Variants in TAF15 observed in about 807,000 individuals in gnomAD.
The protein encoded by TAF15 is TATA-box binding protein associated factor 15.
TAF15 carries 37 observed loss-of-function variants against 102.5 expected under a neutral mutation model. The ratio of observed to expected loss-of-function variants is 0.36; its 90% CI spans 0.28 to 0.47. The LOEUF is 0.47. Among genes scored for constraint, TAF15 ranks in the 20% least tolerant of loss-of-function variants. The probability of loss-of-function intolerance (pLI) is 0.99; values close to 1 mark genes in which losing one functional copy is unlikely to be tolerated. For missense variants in TAF15, 652 were observed against 760.7 expected, an observed-to-expected ratio of 0.86 and a Z score of 1.68; for synonymous variants, 273 against 259.2, an observed-to-expected ratio of 1.05 and a Z score of -0.51.
chr17:35,814,169 T>G (rs978101268), intron 1 of TAF15, among the ~76,000 whole-genome samples: 8 of 151,142 alleles, frequency 5.3e-5, no homozygotes, highest in Non-Finnish European at 1.2e-4. Flanking sequence ...AACCAAAAGG[T>G]GATTTTTTTT....
intron 12 of TAF15, among the ~76,000 whole-genome samples, chr17:35,843,215 C>T (rs1236326744): frequency 6.6e-6 from 1 of 151,996 alleles, no homozygotes; most frequent in Non-Finnish European, 1.5e-5. Context: ...CCTCTCCCTC[C>T]CGGGTTCAAG....
chr17:35,837,361 C>T (rs1238608943), intron 10 of TAF15, among the ~76,000 whole-genome samples: 2 of 150,516 alleles, frequency 1.3e-5, no homozygotes, highest in Non-Finnish European at 3.0e-5. Flanking sequence ...CCTATTATTG[C>T]CCAGGCTGGT....
At chr17:35,824,025 G>C in intron 6 of TAF15, 53 bp from the exon 7 acceptor site, 1 of 1,613,214 alleles carries the variant, frequency 6.2e-7, no homozygotes, top group African/African-American at 1.3e-5. Flanking sequence ...ATTGTTATTT[G>C]AAGCTTTAGA....
At chr17:35,817,526 A>G (rs2087209387) in intron 1 of TAF15, among the ~76,000 whole-genome samples, 190 bp from the exon 2 acceptor site, 1 of 152,166 alleles carries the variant, frequency 6.6e-6, no homozygotes, top group Non-Finnish European at 1.5e-5. Flanking sequence ...TAGTTTGCAA[A>G]TACGTAGTTA....
chr17:35,823,210 G>GTT (rs2087284355), intron 6 of TAF15, among the ~76,000 whole-genome samples: 1 of 152,196 alleles, frequency 6.6e-6, no homozygotes, highest in South Asian at 2.1e-4. Flanking sequence ...TTGAATAATT[G>GTT]TAAGTGTAAG....
At chr17:35,836,283 T>G (rs2087473868) in intron 10 of TAF15, 42 bp downstream of exon 10, 1 of 1,366,768 alleles carries the variant, frequency 7.3e-7, no homozygotes, top group Non-Finnish European at 1.0e-6. Flanking sequence ...ATAATTAATG[T>G]TCTGATTACA....
intron 9 of TAF15, 119 bp downstream of exon 9, chr17:35,834,717 GC>G: frequency 1.3e-6 from 1 of 756,744 alleles, no homozygotes; most frequent in Non-Finnish European, 2.2e-6. Context: ...TGATAGTGCT[GC>G]CAGAACTGGG....
intron 10 of TAF15, among the ~76,000 whole-genome samples, chr17:35,838,125 T>C (rs890919105): frequency 7.9e-5 from 12 of 151,982 alleles, no homozygotes; most frequent in Non-Finnish European, 1.5e-5. Context: ...TGAGGCTACA[T>C]TGAGTATGAT....
In TAF15 at chr17:35,831,984, AGGAGAATGGCATGAACCCG is replaced by A. The variant is rs2087412495; in HGVS notation, c.606-1918_606-1900del. Among the ~76,000 whole-genome samples, 3 of 152,266 alleles carry A rather than the reference AGGAGAATGGCATGAACCCG, an allele frequency of 2.0e-5. No homozygotes were observed. In the South Asian group the frequency reaches 6.2e-4, roughly 32 times the overall value. The stretch of plus-strand genomic sequence containing the variant: ...TCCCAGCTACTCGGGAGGCTGAGGC[AGGAGAATGGCATGAACCCG>A]GGAGGCGGAGCTTGCGGTGAGCCAA... On this transcript the variant is annotated intron_variant, in intron 7 of 15. Coordinates refer to ENST00000605844, the MANE Select transcript of TAF15 (RefSeq NM_139215.3).
chr17:35,817,641 C>A, intron 1 of TAF15, 75 bp from the exon 2 acceptor site: 1 of 1,306,492 alleles, frequency 7.7e-7, no homozygotes, highest in Non-Finnish European at 1.1e-6. Flanking sequence ...CACATTTCTT[C>A]TGTATGAGCT....
chr17:35,821,654 G>A (rs2087259288), intron 5 of TAF15, among the ~76,000 whole-genome samples: 1 of 151,928 alleles, frequency 6.6e-6, no homozygotes, highest in Non-Finnish European at 1.5e-5. Flanking sequence ...ATTAAATGTT[G>A]CCTTTTAACA....
At chr17:35,839,175 G>C (rs1044234593) in intron 11 of TAF15, among the ~76,000 whole-genome samples, 1 of 149,994 alleles carries the variant, frequency 6.7e-6, no homozygotes, top group Non-Finnish European at 1.5e-5. Flanking sequence ...CAGTTACTTA[G>C]GAGTCTGAGG....
At position 35,815,175 on chromosome 17, in the gene TAF15, CTT is replaced by C. The variant is rs533097959; in HGVS notation, c.8-2538_8-2537del. ...GCAAATACCAAGAATAATAAAATAA[CTT>C]TTCTGGCTGCAGTGGAATATTAGGA... On this transcript the variant is annotated intron_variant, in intron 1 of 15. Coordinates refer to ENST00000605844, the MANE Select transcript of TAF15 (RefSeq NM_139215.3). 4.2e-3 allele frequency among the ~76,000 whole-genome samples: 636 copies of C among 152,268 alleles called. 7 individuals are homozygous for C. The highest frequency in any genetic ancestry group is 0.015 in the African/African-American group (610 of 41,550).
At chr17:35,825,134 GAAAC>G in intron 7 of TAF15, among the ~76,000 whole-genome samples, 1 of 152,310 alleles carries the variant, frequency 6.6e-6, no homozygotes. Context: ...GGTGACCTGA[GAAAC>G]AACCAGTTGC....
rs4251755 is a variant in TAF15 at position 35,824,074 on chromosome 17, G to C, written c.485-4G>C. On this transcript the variant is annotated splice_region_variant and splice_polypyrimidine_tract_variant and intron_variant, in intron 6 of 15. Transcript: ENST00000605844. ...ATTTGTGTGTAATATTTTCTTTTTT[G>C]TAGATGACCGTCGTGATGTGAGTAG... 1,297 of 1,614,000 alleles carry C rather than the reference G, an allele frequency of 8.0e-4. 9 individuals carry two copies. In the African/African-American group the frequency reaches 0.014, roughly 17 times the overall value.
intron 1 of TAF15, 97 bp from the exon 2 acceptor site, chr17:35,817,619 A>G (rs2087210432): frequency 1.9e-6 from 2 of 1,055,708 alleles, no homozygotes. Flanking sequence ...GCAGTTCTTT[A>G]CATTTTCTTA....
At chr17:35,820,510 A>C in intron 5 of TAF15, 73 bp downstream of exon 5, 1 of 1,429,188 alleles carries the variant, frequency 7.0e-7, no homozygotes, top group Non-Finnish European at 9.7e-7. Flanking sequence ...GATTTAACCA[A>C]CAAAATCCTA....
At chr17:35,834,664 AGT>A in intron 9 of TAF15, 66 bp downstream of exon 9, 2 of 1,526,182 alleles carry the variant, frequency 1.3e-6, no homozygotes, top group Non-Finnish European at 1.8e-6. Flanking sequence ...TGATGGGAAA[AGT>A]GTGTGTTTGG....
chr17:35,821,139 CTG>C (rs1165775412), intron 5 of TAF15, among the ~76,000 whole-genome samples: 1 of 152,084 alleles, frequency 6.6e-6, no homozygotes, highest in Non-Finnish European at 1.5e-5. Context: ...TGGCTAAAAA[CTG>C]AGGTCTCTAG....
Sources: allele counts gnomAD v4.1 joint callset (sites outside exome capture counted in the v4.1 genomes callset), GRCh38; gene constraint gnomAD v4.1.1; transcripts MANE v1.5; gene names NCBI Gene and HGNC (gene_info 2026-07-23, HGNC 2026-07-21).